Variants in EIF4H observed in about 807,000 individuals in gnomAD.
The protein encoded by EIF4H is eukaryotic translation initiation factor 4H, also known as Williams-Beuren syndrome chromosome region 1.
In EIF4H, 8 loss-of-function variants were observed where a neutral mutation model predicts 30.6. That is an observed-to-expected ratio of 0.26 (90% CI 0.15 to 0.47). EIF4H has a LOEUF of 0.47. EIF4H is among the 20% of genes least tolerant of loss of function. The pLI is 0.99. For synonymous variants in EIF4H, 106 were observed against 122.7 expected, an observed-to-expected ratio of 0.86 and a Z score of 0.90; for missense variants, 188 against 339.5, an observed-to-expected ratio of 0.55 and a Z score of 3.51.
intron 2 of EIF4H, among the ~76,000 whole-genome samples, chr7:74,188,620 A>G (rs1478167506): frequency 5.3e-5 from 8 of 152,154 alleles, no homozygotes; most frequent in African/African-American, 1.9e-4. Context: ...CAGTGAAAAC[A>G]AATATATCAG....
At chr7:74,177,354 CAT>C (rs1446872885) in intron 1 of EIF4H, among the ~76,000 whole-genome samples, 1 of 152,148 alleles carries the variant, frequency 6.6e-6, no homozygotes, top group Non-Finnish European at 1.5e-5. Context: ...ATATACATAA[CAT>C]AAAATGTGCC....
intron 1 of EIF4H, among the ~76,000 whole-genome samples, chr7:74,187,240 G>A (rs1801105302): frequency 6.6e-6 from 1 of 152,040 alleles, no homozygotes; most frequent in Non-Finnish European, 1.5e-5. Context: ...GACCAGCCTG[G>A]CCAACATGGT....
Position 74,187,009 on chromosome 7 carries a change from A to G in EIF4H, c.60-602A>G, listed in dbSNP as rs189231046. Among the ~76,000 whole-genome samples the G allele has an allele frequency of 2.2e-4, 34 of 151,966 alleles. 1 individual carries two copies. In the East Asian group the frequency reaches 6.0e-3, roughly 27 times the overall value. On this transcript the variant is annotated intron_variant, in intron 1 of 6. Transcript: ENST00000265753. ...CTTCTGAATACAACATTACTTCTAG[A>G]CTGTCCATTTCTGTATTTCTTAGAA...
chr7:74,176,430 A>G (rs1800841925), intron 1 of EIF4H, among the ~76,000 whole-genome samples: 2 of 152,144 alleles, frequency 1.3e-5, no homozygotes. Flanking sequence ...GTCCACATGA[A>G]CAAATGTCAC....
intron 1 of EIF4H, among the ~76,000 whole-genome samples, chr7:74,179,171 C>T (rs1800903166): frequency 6.6e-6 from 1 of 152,176 alleles, no homozygotes; most frequent in Admixed American, 6.5e-5. Flanking sequence ...TGGAGCAGCT[C>T]AATCCTTGCA....
rs983656398 is a variant in EIF4H, at chr7:74,187,854, A to G, written c.247+56A>G. On this transcript the variant is annotated intron_variant, in intron 2 of 6. Coordinates refer to ENST00000265753, the MANE Select transcript of EIF4H (RefSeq NM_022170.2). ...CTGTAAAGTGTAGGGGAGGATGGGA[A>G]GGGGTTCTAAATAAAAATAGATTTG... 52 of 1,414,090 alleles carry G rather than the reference A, an allele frequency of 3.7e-5. No homozygotes were observed. The African/African-American group carries it at 6.8e-4, about 19-fold the overall frequency. The allele number at this position is 1,414,090 out of a possible 1,614,324, so 87.6% of individuals were successfully genotyped here.
chr7:74,184,165 C>G (rs1375216958), intron 1 of EIF4H, among the ~76,000 whole-genome samples: 1 of 152,146 alleles, frequency 6.6e-6, no homozygotes, highest in African/African-American at 2.4e-5. Context: ...TTGCCCCAAA[C>G]TAGATTTTTC....
rs1176818985 is a variant in EIF4H at position 74,196,643 on chromosome 7, C to T, written c.*1335C>T. ...CGGCAGCAGGAGCCTGGGAAAGAGG[C>T]CCTCGCCAGGTGATGGCAGGGCCAG... On this transcript the variant is annotated 3_prime_UTR_variant, in exon 7 of 7. Coordinates refer to ENST00000265753, the MANE Select transcript of EIF4H (RefSeq NM_022170.2). 1.3e-4 allele frequency: 19 copies of T among 151,546 alleles called. No homozygotes were observed. The highest frequency in any genetic ancestry group is 1.3e-3 in the Admixed American group (19 of 15,196). 9.4% of individuals were successfully genotyped at this position (151,546 alleles called of 1,614,324 possible). A position where few individuals can be genotyped will look rare whatever the true frequency, so the allele number is the denominator to read the frequency against.
chr7:74,178,211 G>T (rs1397657122), intron 1 of EIF4H, among the ~76,000 whole-genome samples: 15 of 152,216 alleles, frequency 9.9e-5, no homozygotes, highest in Non-Finnish European at 1.0e-4. Flanking sequence ...AAGGCTCATT[G>T]TGTGAGCCAC....
intron 1 of EIF4H, among the ~76,000 whole-genome samples, chr7:74,175,691 T>A (rs1243151673): frequency 6.6e-6 from 1 of 152,076 alleles, no homozygotes; most frequent in Non-Finnish European, 1.5e-5. Context: ...ACATCAAATT[T>A]GTTCTCAAGT....
At chr7:74,193,736 A>G (rs982438268) in intron 5 of EIF4H, among the ~76,000 whole-genome samples, 2 of 151,444 alleles carry the variant, frequency 1.3e-5, no homozygotes, top group African/African-American at 4.9e-5. Context: ...CCTCAGCCTC[A>G]TGAGTAGCTG....
rs1485259234 is a variant in EIF4H, at chr7:74,196,185, T to C, written c.*877T>C. 2.0e-5 allele frequency: 3 copies of C among 152,814 alleles called. No individual in the cohort carries two copies. The highest frequency in any genetic ancestry group is 7.2e-5 in the African/African-American group (3 of 41,454). The allele number at this position is 152,814 out of a possible 1,614,324, so 9.5% of individuals were successfully genotyped here. A position where few individuals can be genotyped will look rare whatever the true frequency, so the allele number is the denominator to read the frequency against. Reference sequence around the variant, plus strand: ...CTGCTGGGCCAAGGCGCTTTGGGGGTGGAGGGGGTGGTGCTGGTGCTGCAC... The same window carrying C: ...CTGCTGGGCCAAGGCGCTTTGGGGGCGGAGGGGGTGGTGCTGGTGCTGCAC... On this transcript the variant is annotated 3_prime_UTR_variant, in exon 7 of 7. Transcript: ENST00000265753.
In EIF4H at chr7:74,174,454, G is replaced by A. The variant is rs782735178; in HGVS notation, c.59+12G>A. 3.5e-6 allele frequency: 5 copies of A among 1,424,772 alleles called. No individual in the cohort carries two copies. In the African/African-American group the frequency reaches 5.9e-5, roughly 17 times the overall value. The allele number at this position is 1,424,772 out of a possible 1,614,324, so 88.3% of individuals were successfully genotyped here. A position where few individuals can be genotyped will look rare whatever the true frequency, so the allele number is the denominator to read the frequency against. On this transcript the variant is annotated intron_variant, in intron 1 of 6. Transcript: ENST00000265753. ...GGCGGCGGCAGAGGGTGAGGCGGGC[G>A]TGCGCGGGCCCCGTCGGGGGCTGCG... is the stretch of plus-strand genomic sequence containing the variant.
At chr7:74,190,678 T>C (rs549240227) in intron 5 of EIF4H, among the ~76,000 whole-genome samples, 63 of 152,316 alleles carry the variant, frequency 4.1e-4, no homozygotes, top group African/African-American at 1.5e-3. Context: ...GTTTGGGTTC[T>C]TACATGGTGA....
chr7:74,179,631 CA>C (rs34502000), intron 1 of EIF4H, among the ~76,000 whole-genome samples: 2,295 of 128,030 alleles, frequency 0.018, 53 homozygotes, highest in African/African-American at 0.059. Flanking sequence ...GACTCTGTAT[CA>C]AAAAAAAAAA....
chr7:74,175,554 A>C (rs1800819876), intron 1 of EIF4H, among the ~76,000 whole-genome samples: 1 of 152,258 alleles, frequency 6.6e-6, no homozygotes, highest in Non-Finnish European at 1.5e-5. Context: ...TGTTCATGAT[A>C]CTGTAACGTG....
intron 1 of EIF4H, among the ~76,000 whole-genome samples, chr7:74,187,323 T>C (rs1374395494): frequency 3.3e-5 from 5 of 152,022 alleles, no homozygotes; most frequent in Non-Finnish European, 5.9e-5. Flanking sequence ...TCAGCATCCT[T>C]AGGAGGCTGA....
Position 74,197,090 on chromosome 7 carries a change from C to A in EIF4H, c.*1782C>A, listed in dbSNP as rs1297729474. On this transcript the variant is annotated 3_prime_UTR_variant, in exon 7 of 7. Transcript: ENST00000265753. ...ATCTTTTAAATAAAAGAAAACCTTA[C>A]GTAATATTTAATGCTTGCCTTTATT... 6.6e-6 allele frequency: 1 copy of A among 152,538 alleles called. No individual in the cohort carries two copies. The highest frequency in any genetic ancestry group is 2.4e-5 in the African/African-American group (1 of 41,420). The allele number at this position is 152,538 out of a possible 1,614,324, so 9.4% of individuals were successfully genotyped here.
At position 74,186,822 on chromosome 7, in the gene EIF4H, T is replaced by A. The variant is rs1418791771; in HGVS notation, c.60-789T>A. On this transcript the variant is annotated intron_variant, in intron 1 of 6. Transcript: ENST00000265753. ...TTTTTTTTTTTTTTTTTTTTTTTTT[T>A]TTTTTTTTTTTTTTTTTTGAGACGG... Among the ~76,000 whole-genome samples, 22 of 85,732 alleles carry A rather than the reference T, an allele frequency of 2.6e-4. 1 individual carries two copies. The highest frequency in any genetic ancestry group is 7.6e-4 in the East Asian group (2 of 2,616). The allele number at this position is 85,732 out of a possible 152,430, so 56.2% of individuals were successfully genotyped here.
Sources: gnomAD v4.1 joint callset for allele counts (sites outside exome capture counted in the v4.1 genomes callset) on GRCh38, gnomAD v4.1.1 for gene constraint, MANE v1.5 for transcripts, NCBI Gene and HGNC (gene_info 2026-07-23, HGNC 2026-07-21) for gene names.